RGP1: variants seen among roughly 807,000 people sequenced by gnomAD.
RGP1 encodes RAB6A-GEF complex partner protein 2.
A neutral mutation model predicts 44.5 loss-of-function variants in RGP1; 28 were observed. That is an observed-to-expected ratio of 0.63 (90% CI 0.47 to 0.86). The LOEUF is 0.86. Among genes scored for constraint, RGP1 ranks in the 40% least tolerant of loss-of-function variants. The probability of loss-of-function intolerance (pLI) is 0.00; values close to 1 mark genes in which losing one functional copy is unlikely to be tolerated. For missense variants in RGP1, 417 were observed against 490.7 expected, an observed-to-expected ratio of 0.85 and a Z score of 1.42; for synonymous variants, 212 against 196.7, an observed-to-expected ratio of 1.08 and a Z score of -0.65.
At chr9:35,752,169 G>A in intron 8 of RGP1, 24 bp downstream of exon 8, 1 of 1,526,144 alleles carries the variant, frequency 6.6e-7, no homozygotes, top group Middle Eastern at 1.8e-4. Context: ...TGTTACTGGA[G>A]AAGGGAGAGG....
chr9:35,768,560 G>A, the RGP1 span, among the ~76,000 whole-genome samples: 2 of 152,156 alleles, frequency 1.3e-5, no homozygotes, highest in African/African-American at 4.8e-5. Flanking sequence ...AGGGGAAGAT[G>A]GTGCAATTTA....
At chr9:35,777,521 T>G in the RGP1 span, among the ~76,000 whole-genome samples, 1 of 151,778 alleles carries the variant, frequency 6.6e-6, no homozygotes, top group African/African-American at 2.4e-5. Context: ...GGTCTTGCTA[T>G]GTTGACCAGG....
intron 5 of RGP1, 98 bp from the exon 6 acceptor site, chr9:35,751,168 C>A: frequency 6.6e-7 from 1 of 1,512,720 alleles, no homozygotes; most frequent in Non-Finnish European, 9.1e-7. Context: ...CCTGGCACCC[C>A]TTACCTTTAG....
At position 35,753,670 on chromosome 9, in the gene RGP1, A is replaced by G. The variant is rs1296745666; in HGVS notation, c.*796A>G. The stretch of plus-strand genomic sequence containing the variant: ...TCTTTGGTCACTCACGTGTCACAGC[A>G]GCCCACGCCAACAGGATGCAGACAG... On this transcript the variant is annotated 3_prime_UTR_variant, in exon 9 of 9. Coordinates refer to ENST00000378078, the MANE Select transcript of RGP1 (RefSeq NM_001080496.3). The surrounding 1 kb of genome is among the most constrained non-coding windows in gnomAD (Gnocchi z 4.2). The G allele has an allele frequency of 8.1e-6, 13 of 1,613,934 alleles. No individual in the cohort carries two copies. The highest frequency in any genetic ancestry group is 1.1e-5 in the Non-Finnish European group (13 of 1,179,836).
chr9:35,784,982 C>T, the RGP1 span, among the ~76,000 whole-genome samples: 1 of 152,150 alleles, frequency 6.6e-6, no homozygotes, highest in African/African-American at 2.4e-5. Flanking sequence ...ACAGGAAGCC[C>T]CATTCCTTTA....
In RGP1 at chr9:35,753,636, C is replaced by G. The variant is rs772834908; in HGVS notation, c.*762C>G. ...CAGTCACTCATATCAGAGTCATTCT[C>G]TCTGGCCATCTTTGGTCACTCACGT... On this transcript the variant is annotated 3_prime_UTR_variant, in exon 9 of 9. Transcript: ENST00000378078. This position sits in a 1 kb window ranked among gnomAD's most constrained non-coding sequence, Gnocchi z 4.2. The G allele has an allele frequency of 1.2e-5, 19 of 1,581,348 alleles. No individual in the cohort carries two copies. The highest frequency in any genetic ancestry group is 1.6e-5 in the Non-Finnish European group (19 of 1,151,666).
At position 35,753,615 on chromosome 9, in the gene RGP1, C is replaced by A; in HGVS notation, c.*741C>A. 6.8e-7 allele frequency: 1 copy of A among 1,476,966 alleles called. No individual in the cohort carries two copies. Among genetic ancestry groups the A allele is most frequent in the South Asian group, 1.2e-5 (1 of 86,534 alleles). The allele number at this position is 1,476,966 out of a possible 1,614,324, so 91.5% of individuals were successfully genotyped here. On this transcript the variant is annotated 3_prime_UTR_variant, in exon 9 of 9. Coordinates refer to ENST00000378078, the MANE Select transcript of RGP1 (RefSeq NM_001080496.3). This position sits in a 1 kb window ranked among gnomAD's most constrained non-coding sequence, Gnocchi z 4.2. ...AGTCACTCCCTGGTCATCCCTCAGTCACTCATATCAGAGTCATTCTCTCTG... is the reference window on the plus strand; with the variant it reads ...AGTCACTCCCTGGTCATCCCTCAGTAACTCATATCAGAGTCATTCTCTCTG...
In RGP1 at chr9:35,749,983, C is replaced by T; in HGVS notation, c.116+112C>T. 1.1e-6 allele frequency: 1 copy of T among 906,240 alleles called. No individual in the cohort carries two copies. Among genetic ancestry groups the T allele is most frequent in the Non-Finnish European group, 1.7e-6 (1 of 581,556 alleles). The allele number at this position is 906,240 out of a possible 1,614,324, so 56.1% of individuals were successfully genotyped here. A position where few individuals can be genotyped will look rare whatever the true frequency, so the allele number is the denominator to read the frequency against. On this transcript the variant is annotated intron_variant, in intron 2 of 8. Transcript: ENST00000378078. The surrounding 1 kb of genome is among the most constrained non-coding windows in gnomAD (Gnocchi z 4.4). ...TAGCGACACCACCTCCTCTTGCTCA[C>T]TGTGCTGTCATTGTAGGAGAGGGCT...
the RGP1 span, among the ~76,000 whole-genome samples, chr9:35,767,992 G>T: frequency 6.6e-6 from 1 of 152,006 alleles, no homozygotes. Context: ...GTAGAGACAG[G>T]GTTTCGCTAT....
At chr9:35,768,220 C>G in the RGP1 span, among the ~76,000 whole-genome samples, 1 of 151,966 alleles carries the variant, frequency 6.6e-6, no homozygotes, top group Non-Finnish European at 1.5e-5. Context: ...TGCCACCACT[C>G]TTGGCTAATT....
chr9:35,758,562 TG>T lies in RGP1; in HGVS notation c.*5691del, dbSNP rs540085225. On this transcript the variant is annotated 3_prime_UTR_variant, in exon 9 of 9. Transcript: ENST00000378078. Reference sequence around the variant, plus strand: ...GCCTTTGGTCCCAAACAAGCAAATCTGGGTCAATTAATGAAAAAAAAAAGAA... The same window carrying T: ...GCCTTTGGTCCCAAACAAGCAAATCTGGTCAATTAATGAAAAAAAAAAGAA... The T allele has an allele frequency of 1.3e-3, 192 of 152,218 alleles. 1 individual carries two copies. The highest frequency in any genetic ancestry group is 4.4e-3 in the African/African-American group (184 of 41,510). 9.4% of individuals were successfully genotyped at this position (152,218 alleles called of 1,614,324 possible). A position where few individuals can be genotyped will look rare whatever the true frequency, so the allele number is the denominator to read the frequency against.
intron 3 of RGP1, 38 bp from the exon 4 acceptor site, chr9:35,750,620 C>T: frequency 6.3e-7 from 1 of 1,599,628 alleles, no homozygotes; most frequent in Non-Finnish European, 8.6e-7. Flanking sequence ...CAGTACTGGA[C>T]AATGGGTCAT....
At position 35,750,686 on chromosome 9, in the gene RGP1, T is replaced by G; in HGVS notation, c.282T>G (p.Thr94=). The G allele has an allele frequency of 6.2e-7, 1 of 1,613,972 alleles. No homozygotes were observed. Among genetic ancestry groups the G allele is most frequent in the Non-Finnish European group, 8.5e-7 (1 of 1,179,876 alleles). ...RGERGQCILS[T]PPKILFCDLR... ...AGAGGGGCCAGTGTATCCTTTCTACTCCACCGAAAATTCTATTCTGTGACC... is the reference window on the plus strand; with the variant it reads ...AGAGGGGCCAGTGTATCCTTTCTACGCCACCGAAAATTCTATTCTGTGACC... Residue 94 remains threonine (T), a synonymous_variant, in exon 4 of 9, where the codon ACT becomes ACG. Transcript: ENST00000378078.
At position 35,749,851 on chromosome 9, in the gene RGP1, C is replaced by A; in HGVS notation, c.96C>A (p.Pro32=). 6.2e-7 allele frequency: 1 copy of A among 1,612,970 alleles called. No homozygotes were observed. The highest frequency in any genetic ancestry group is 8.5e-7 in the Non-Finnish European group (1 of 1,179,294). The change falls in exon 2 of 9, where the codon CCC becomes CCA. Residue 32 remains proline, a synonymous_variant. Coordinates refer to ENST00000378078, the MANE Select transcript of RGP1 (RefSeq NM_001080496.3). This position sits in a 1 kb window ranked among gnomAD's most constrained non-coding sequence, Gnocchi z 4.4. Reference sequence around the variant, plus strand: ...TGACCGTCACCAACCCCCTTCCGCCCACGGCCACTTCTGCATCCAGGTGGG... The same window carrying A: ...TGACCGTCACCAACCCCCTTCCGCCAACGGCCACTTCTGCATCCAGGTGGG... ...CVVTVTNPLP[P]TATSASSEAL... is the part of the protein sequence containing the mutation.
At chr9:35,763,959 G>T in the RGP1 span, among the ~76,000 whole-genome samples, 1 of 151,014 alleles carries the variant, frequency 6.6e-6, no homozygotes, top group African/African-American at 2.4e-5. Flanking sequence ...TGATAAGAGA[G>T]ATTGAGAAAG....
rs1311327279 is a variant in RGP1 at position 35,756,083 on chromosome 9, T to C, written c.*3209T>C. The C allele has an allele frequency of 6.6e-6, 1 of 152,274 alleles. No individual in the cohort carries two copies. Among genetic ancestry groups the C allele is most frequent in the African/African-American group, 2.4e-5 (1 of 41,456 alleles). 9.4% of individuals were successfully genotyped at this position (152,274 alleles called of 1,614,324 possible). A position where few individuals can be genotyped will look rare whatever the true frequency, so the allele number is the denominator to read the frequency against. On this transcript the variant is annotated 3_prime_UTR_variant, in exon 9 of 9. Transcript: ENST00000378078. ...GCTCATGTGAACTCTCCAGTTCTCC[T>C]TTCTCACCACTCTCCTGCTAGCCAT...
At position 35,754,375 on chromosome 9, in the gene RGP1, G is replaced by A. The variant is rs1563974874; in HGVS notation, c.*1501G>A. 1 of 391,998 alleles carries A rather than the reference G, an allele frequency of 2.6e-6. No homozygotes were observed. Among genetic ancestry groups the A allele is most frequent in the East Asian group, 4.4e-5 (1 of 22,618 alleles). 24.3% of individuals were successfully genotyped at this position (391,998 alleles called of 1,614,324 possible). A position where few individuals can be genotyped will look rare whatever the true frequency, so the allele number is the denominator to read the frequency against. On this transcript the variant is annotated 3_prime_UTR_variant, in exon 9 of 9. Transcript: ENST00000378078. Reference sequence around the variant, plus strand: ...ACTCTGTTTCCTGAGGTGAGGGCATGAAAACAAGAGGTCTAGCTTTAACAA... The same window carrying A: ...ACTCTGTTTCCTGAGGTGAGGGCATAAAAACAAGAGGTCTAGCTTTAACAA...
chr9:35,750,658 G>T lies in RGP1; in HGVS notation c.254G>T (p.Gly85Val), dbSNP rs1253983606. The change falls in exon 4 of 9, where the codon GGT becomes GTT. Residue 85 changes from glycine (G) to valine (V), a missense_variant and splice_region_variant. Gly to Val is a moderately radical substitution (Grantham distance 109, BLOSUM62 -3). Coordinates refer to ENST00000378078, the MANE Select transcript of RGP1 (RefSeq NM_001080496.3). ...DSQTVFLPHR[G>V]ERGQCILSTP... is the part of the protein sequence containing the mutation. ...AATTAGTCATTTTTACCTTTTTCAG[G>T]TGAGAGGGGCCAGTGTATCCTTTCT... 6.2e-7 allele frequency: 1 copy of T among 1,613,864 alleles called. No individual in the cohort carries two copies. The highest frequency in any genetic ancestry group is 8.5e-7 in the Non-Finnish European group (1 of 1,179,814).
chr9:35,778,852 G>A, the RGP1 span, among the ~76,000 whole-genome samples: 1 of 152,084 alleles, frequency 6.6e-6, no homozygotes, highest in Non-Finnish European at 1.5e-5. Context: ...TATTTTAATG[G>A]GGAAAAGAGA....
Sources: allele counts gnomAD v4.1 joint callset (sites outside exome capture counted in the v4.1 genomes callset), GRCh38; gene constraint gnomAD v4.1.1; non-coding constraint Gnocchi (gnomAD v3.1); transcripts MANE v1.5; gene names NCBI Gene and HGNC (gene_info 2026-07-23, HGNC 2026-07-21).